The following EYS variants were observed in gnomAD, a reference collection of about 807,000 sequenced individuals.
The protein encoded by EYS is EGF-like photoreceptor maintenance factor, also known as protein eyes shut homolog.
Under a neutral mutation model 282.1 loss-of-function variants are expected in EYS, and 250 were observed. The observed-to-expected ratio is 0.89, with a 90% confidence interval of 0.80 to 0.98. EYS has a LOEUF of 0.98. Ranked by LOEUF, EYS falls within the 50% of genes least tolerant of loss-of-function variation. The pLI is 0.00. For missense variants in EYS, 4,016 were observed against 3,709.0 expected, an observed-to-expected ratio of 1.08 and a Z score of -2.15; for synonymous variants, 1,355 against 1,282.9, an observed-to-expected ratio of 1.06 and a Z score of -1.20.
intron 16 of EYS, among the ~76,000 whole-genome samples, chr6:64,909,577 A>C (rs1334349359): frequency 6.6e-6 from 1 of 152,036 alleles, no homozygotes; most frequent in East Asian, 1.9e-4. Flanking sequence ...TTGCCTCCTC[A>C]TTTTCCTGTA....
intron 5 of EYS, among the ~76,000 whole-genome samples, chr6:65,407,910 G>C (rs903956300): frequency 6.6e-6 from 1 of 151,932 alleles, no homozygotes; most frequent in Non-Finnish European, 1.5e-5. Context: ...CTTTAATGTG[G>C]TGTTCCCTGG....
At chr6:64,234,788 T>C (rs892607452) in intron 30 of EYS, among the ~76,000 whole-genome samples, 3 of 152,134 alleles carry the variant, frequency 2.0e-5, no homozygotes, top group Admixed American at 6.6e-5. Context: ...ATAAATAAAA[T>C]CAGATAACAT....
At chr6:64,042,240 ATAAT>A (rs1380249868) in intron 33 of EYS, among the ~76,000 whole-genome samples, 3 of 152,230 alleles carry the variant, frequency 2.0e-5, no homozygotes, top group Non-Finnish European at 1.5e-5. Flanking sequence ...TCAGGAAATA[ATAAT>A]TAATTCCATG....
At chr6:65,515,538 A>G (rs1472504896) in intron 2 of EYS, among the ~76,000 whole-genome samples, 2 of 152,038 alleles carry the variant, frequency 1.3e-5, no homozygotes, top group East Asian at 1.9e-4. Flanking sequence ...CTTGGAACCA[A>G]TCCAAATGTC....
At position 65,057,673 on chromosome 6, in the gene EYS, C is replaced by T. The variant is rs1253754304; in HGVS notation, c.2078G>A (p.Gly693Glu). The change falls in exon 13 of 43, where the codon GGA becomes GAA. Residue 693 changes from glycine (G) to glutamate (E), a missense_variant. Transcript: ENST00000503581. Reference sequence around the variant, plus strand: ...ACCAGGTTGGTCAATGCAGGTGGCTCCATTTTTGCAGGGATGTGAAGCACA... The same window carrying T: ...ACCAGGTTGGTCAATGCAGGTGGCTTCATTTTTGCAGGGATGTGAAGCACA... ...DECASHPCKNGATCIDQPGNY... is the reference protein window; with the variant it reads ...DECASHPCKNEATCIDQPGNY... 1 of 1,551,132 alleles carries T rather than the reference C, an allele frequency of 6.4e-7. No individual in the cohort carries two copies. The highest frequency in any genetic ancestry group is 1.4e-5 in the African/African-American group (1 of 72,982).
At chr6:64,115,844 A>G (rs1349272884) in intron 31 of EYS, among the ~76,000 whole-genome samples, 2 of 152,298 alleles carry the variant, frequency 1.3e-5, no homozygotes, top group East Asian at 3.9e-4. Context: ...AGACTTCCCA[A>G]AGTGGAGATC....
At chr6:65,222,394 A>G (rs1426224972) in intron 12 of EYS, among the ~76,000 whole-genome samples, 1 of 152,172 alleles carries the variant, frequency 6.6e-6, no homozygotes, top group East Asian at 1.9e-4. Flanking sequence ...TGATGGTTTT[A>G]TAAAGGGGAG....
intron 2 of EYS, among the ~76,000 whole-genome samples, chr6:65,610,974 T>C (rs1765977659): frequency 6.6e-6 from 1 of 152,062 alleles, no homozygotes; most frequent in Non-Finnish European, 1.5e-5. Flanking sequence ...TGAATCATTT[T>C]ATACGATTAC....
intron 35 of EYS, among the ~76,000 whole-genome samples, chr6:63,951,617 T>C (rs1027046469): frequency 1.2e-4 from 19 of 152,256 alleles, no homozygotes; most frequent in African/African-American, 1.7e-4. Context: ...CTTCCTCAGC[T>C]TCTGCTCCTC....
At chr6:63,774,655 T>C (rs1451447577) in intron 40 of EYS, among the ~76,000 whole-genome samples, 1 of 152,202 alleles carries the variant, frequency 6.6e-6, no homozygotes, top group African/African-American at 2.4e-5. Flanking sequence ...TTAGCTCATT[T>C]GAGCCATTCC....
intron 30 of EYS, among the ~76,000 whole-genome samples, chr6:64,234,373 T>A (rs1182439474): frequency 6.6e-6 from 1 of 152,184 alleles, no homozygotes; most frequent in Non-Finnish European, 1.5e-5. Context: ...ATGTAGTTTT[T>A]GGTGGGCTGC....
intron 5 of EYS, among the ~76,000 whole-genome samples, chr6:65,430,413 C>T (rs1028987766): frequency 5.3e-5 from 8 of 152,266 alleles, no homozygotes; most frequent in Admixed American, 1.3e-4. Flanking sequence ...AAACCTCACA[C>T]TGAGGTCCAA....
At chr6:65,012,851 C>T (rs1372894741) in intron 13 of EYS, among the ~76,000 whole-genome samples, 2 of 117,170 alleles carry the variant, frequency 1.7e-5, no homozygotes, top group African/African-American at 3.2e-5. Context: ...TTCACAAGAA[C>T]ATAAAAATAA....
chr6:65,067,555 G>A (rs1773783443), intron 12 of EYS, among the ~76,000 whole-genome samples: 1 of 152,010 alleles, frequency 6.6e-6, no homozygotes, highest in African/African-American at 2.4e-5. Context: ...GTCCAGAGAG[G>A]AGACAGGAAT....
At chr6:65,420,799 C>T (rs1767425449) in intron 5 of EYS, among the ~76,000 whole-genome samples, 1 of 151,858 alleles carries the variant, frequency 6.6e-6, no homozygotes, top group South Asian at 2.1e-4. Context: ...CAATATTTAT[C>T]TCCTTGTATA....
At chr6:65,224,357 T>G (rs1252750003) in intron 12 of EYS, among the ~76,000 whole-genome samples, 1 of 152,076 alleles carries the variant, frequency 6.6e-6, no homozygotes, top group Non-Finnish European at 1.5e-5. Context: ...AAAAAATATG[T>G]TGAGACAAAT....
intron 35 of EYS, among the ~76,000 whole-genome samples, chr6:63,982,429 G>A (rs894069961): frequency 4.0e-5 from 6 of 151,754 alleles, no homozygotes; most frequent in African/African-American, 1.5e-4. Flanking sequence ...GTGGTTGTTG[G>A]TAAAATTCAA....
chr6:64,874,250 T>C (rs1766678188), intron 19 of EYS, among the ~76,000 whole-genome samples: 1 of 152,110 alleles, frequency 6.6e-6, no homozygotes, highest in Non-Finnish European at 1.5e-5. Flanking sequence ...TACATGGTTG[T>C]TAAGATTTAT....
intron 35 of EYS, among the ~76,000 whole-genome samples, chr6:63,970,806 A>C (rs1766533905): frequency 6.6e-6 from 1 of 152,116 alleles, no homozygotes; most frequent in Non-Finnish European, 1.5e-5. Flanking sequence ...ACTTATTTTT[A>C]TTTAAAAATG....
Sources: gnomAD v4.1 joint callset for allele counts (sites outside exome capture counted in the v4.1 genomes callset) on GRCh38, gnomAD v4.1.1 for gene constraint, MANE v1.5 for transcripts, NCBI Gene and HGNC (gene_info 2026-07-23, HGNC 2026-07-21) for gene names.